Variants in TMEFF2 observed in about 807,000 individuals in gnomAD.
TMEFF2 encodes transmembrane protein with EGF like and two follistatin like domains 2, also known as tomoregulin-2.
A neutral mutation model predicts 53.8 loss-of-function variants in TMEFF2; 28 were observed. The observed-to-expected ratio is 0.52, with a 90% confidence interval of 0.39 to 0.71. The LOEUF is 0.71. TMEFF2 is among the 30% of genes least tolerant of loss of function. The probability of loss-of-function intolerance (pLI) is 0.00; values close to 1 mark genes in which losing one functional copy is unlikely to be tolerated. For synonymous variants in TMEFF2, 162 were observed against 166.3 expected (o/e 0.97, Z 0.20); for missense variants, 353 against 455.2 (o/e 0.78, Z 2.04).
intron 7 of TMEFF2, among the ~76,000 whole-genome samples, chr2:191,963,985 T>C (rs1039563601): frequency 6.6e-6 from 1 of 152,244 alleles, no homozygotes; most frequent in African/African-American, 2.4e-5. Context: ...GTTAAATTAC[T>C]TGTCTTAGTA....
intron 8 of TMEFF2, among the ~76,000 whole-genome samples, 156 bp downstream of exon 8, chr2:191,956,091 AGTATGTGT>A (rs571821396): frequency 2.0e-5 from 3 of 150,128 alleles, no homozygotes; most frequent in South Asian, 4.3e-4. Flanking sequence ...TTAGTGTGTG[AGTATGTGT>A]GTATGTGTGT....
intron 8 of TMEFF2, among the ~76,000 whole-genome samples, chr2:191,955,498 A>AT (rs1482234029): frequency 7.6e-6 from 1 of 132,062 alleles, no homozygotes; most frequent in Non-Finnish European, 1.6e-5. Context: ...TACAGGTTGC[A>AT]TGCCACCGTG....
At chr2:192,060,673 G>A (rs1455796232) in intron 4 of TMEFF2, among the ~76,000 whole-genome samples, 3 of 152,146 alleles carry the variant, frequency 2.0e-5, no homozygotes, top group African/African-American at 7.2e-5. Context: ...GTAAATGTGT[G>A]CTAAATTGGA....
At chr2:192,042,115 C>A (rs1687498693) in intron 5 of TMEFF2, among the ~76,000 whole-genome samples, 1 of 151,820 alleles carries the variant, frequency 6.6e-6, no homozygotes, top group African/African-American at 2.4e-5. Context: ...GCAGGATAAT[C>A]ACTTAAACTC....
At chr2:192,062,286 A>G (rs951541526) in intron 4 of TMEFF2, among the ~76,000 whole-genome samples, 1 of 152,200 alleles carries the variant, frequency 6.6e-6, no homozygotes, top group Non-Finnish European at 1.5e-5. Flanking sequence ...TTCACTCAAA[A>G]TGATAGCTTT....
At chr2:192,152,150 C>T (rs1030684393) in intron 4 of TMEFF2, among the ~76,000 whole-genome samples, 1 of 151,888 alleles carries the variant, frequency 6.6e-6, no homozygotes, top group Non-Finnish European at 1.5e-5. Flanking sequence ...ATTTTTATCT[C>T]ATGCATAACT....
At chr2:192,086,653 T>C (rs1688675674) in intron 4 of TMEFF2, among the ~76,000 whole-genome samples, 1 of 152,128 alleles carries the variant, frequency 6.6e-6, no homozygotes, top group Non-Finnish European at 1.5e-5. Flanking sequence ...CCATCTACCT[T>C]GTGGTAGGTG....
In TMEFF2 at chr2:192,153,834, T is replaced by C. The variant is rs569364168; in HGVS notation, c.439+25834A>G. ...TGATGCTACTCAAATAGGGATGAGA[T>C]GGCTGATGCCTACTTGGGAACGCAC... On this transcript the variant is annotated intron_variant, in intron 4 of 9. Coordinates refer to ENST00000272771, the MANE Select transcript of TMEFF2 (RefSeq NM_016192.4). 1.4e-4 allele frequency among the ~76,000 whole-genome samples: 22 copies of C among 152,036 alleles called. No homozygotes were observed. The East Asian group carries it at 4.1e-3, about 28-fold the overall frequency.
chr2:192,192,425 C>G (rs946973921), intron 1 of TMEFF2, among the ~76,000 whole-genome samples: 10 of 152,160 alleles, frequency 6.6e-5, no homozygotes, highest in Middle Eastern at 6.8e-3. Context: ...TGTTCTTTTG[C>G]TTCAACGACT....
intron 2 of TMEFF2, among the ~76,000 whole-genome samples, chr2:192,187,585 G>C (rs190927765): frequency 1.7e-3 from 259 of 152,268 alleles, no homozygotes; most frequent in Non-Finnish European, 2.3e-3. Flanking sequence ...TAAGTGACCT[G>C]CTAAAGACCA....
chr2:192,054,028 C>A (rs766781702), intron 5 of TMEFF2, among the ~76,000 whole-genome samples: 3 of 151,890 alleles, frequency 2.0e-5, no homozygotes, highest in Non-Finnish European at 4.4e-5. Flanking sequence ...ACACTAATAA[C>A]TTTTGTTCTT....
intron 4 of TMEFF2, among the ~76,000 whole-genome samples, chr2:192,139,722 A>G (rs1053572933): frequency 6.6e-6 from 1 of 152,206 alleles, no homozygotes; most frequent in Admixed American, 6.5e-5. Context: ...CTGCATGCCA[A>G]ACGAATCTCA....
At chr2:191,969,183 C>T (rs574039242) in intron 7 of TMEFF2, among the ~76,000 whole-genome samples, 3 of 150,604 alleles carry the variant, frequency 2.0e-5, no homozygotes, top group Non-Finnish European at 3.0e-5. Context: ...AGAGAGCTAA[C>T]GTTTAGGACA....
intron 5 of TMEFF2, chr2:192,030,444 T>C (rs1034788024): frequency 6.6e-6 from 1 of 152,056 alleles, no homozygotes; most frequent in Non-Finnish European, 1.5e-5. Flanking sequence ...CCTTTGGTTA[T>C]TGTGCTGCTT....
At chr2:191,981,321 CCTATGT>C (rs573616310) in intron 7 of TMEFF2, among the ~76,000 whole-genome samples, 141 of 110,380 alleles carry the variant, frequency 1.3e-3, no homozygotes, top group Admixed American at 4.3e-3. Flanking sequence ...AATGTTGTTC[CCTATGT>C]CTATAACATT....
At chr2:191,998,371 C>G in intron 6 of TMEFF2, 50 bp from the exon 7 acceptor site, 1 of 1,312,408 alleles carries the variant, frequency 7.6e-7, no homozygotes, top group Non-Finnish European at 1.1e-6. Context: ...TCCTAAATAT[C>G]TAATATCAAA....
chr2:192,187,215 T>C (rs999103040), intron 2 of TMEFF2, among the ~76,000 whole-genome samples: 3 of 152,198 alleles, frequency 2.0e-5, no homozygotes, highest in African/African-American at 7.2e-5. Context: ...GTATATTAGT[T>C]AACAATGAAA....
intron 4 of TMEFF2, among the ~76,000 whole-genome samples, chr2:192,172,843 G>C (rs908374406): frequency 4.6e-5 from 7 of 151,900 alleles, no homozygotes; most frequent in Admixed American, 2.0e-4. Context: ...TGGTATAGTT[G>C]TTGCAAAGAA....
chr2:192,113,161 T>A (rs1689323950), intron 4 of TMEFF2, among the ~76,000 whole-genome samples: 1 of 152,212 alleles, frequency 6.6e-6, no homozygotes, highest in African/African-American at 2.4e-5. Flanking sequence ...AGAGTATTTG[T>A]TGATTTGAAA....
Sources: allele counts gnomAD v4.1 joint callset (sites outside exome capture counted in the v4.1 genomes callset), GRCh38; gene constraint gnomAD v4.1.1; transcripts MANE v1.5; gene names NCBI Gene and HGNC (gene_info 2026-07-23, HGNC 2026-07-21).